The following ZNF713 variants were observed in gnomAD, a reference collection of about 807,000 sequenced individuals.
The protein encoded by ZNF713 is zinc finger protein 713.
Under a neutral mutation model 28.7 loss-of-function variants are expected in ZNF713, and 21 were observed. The observed-to-expected ratio is 0.73, with a 90% CI of 0.52 to 1.05. ZNF713 has a LOEUF of 1.05. Ranked by LOEUF, ZNF713 falls within the 50% of genes least tolerant of loss-of-function variation. ZNF713 has a pLI of 0.00. For missense variants in ZNF713, 458 were observed against 532.4 expected, an observed-to-expected ratio of 0.86 and a Z score of 1.37; for synonymous variants, 167 against 178.0, an observed-to-expected ratio of 0.94 and a Z score of 0.49.
chr7:55,904,082 G>GCCAGACTGTATCTTTAAAAAAAA lies in ZNF713; in HGVS notation c.-582-2171_-582-2170insCCAGACTGTATCTTTAAAAAAAA. On this transcript the variant is annotated intron_variant, in intron 1 of 6. Transcript: ENST00000429591. Reference sequence around the variant, plus strand: ...ATAAAAGGCAGGCAAAGGAAAAAGAGACTAGATCACAGCTCCCTGAGAGAG... The same window carrying GCCAGACTGTATCTTTAAAAAAAA: ...ATAAAAGGCAGGCAAAGGAAAAAGAGCCAGACTGTATCTTTAAAAAAAAACTAGATCACAGCTCCCTGAGAGAG... 1.3e-3 allele frequency among the ~76,000 whole-genome samples: 160 copies of GCCAGACTGTATCTTTAAAAAAAA among 126,628 alleles called. 16 individuals carry two copies. Among genetic ancestry groups the GCCAGACTGTATCTTTAAAAAAAA allele is most frequent in the Admixed American group, 1.2e-3 (16 of 13,050 alleles). 83.1% of individuals were successfully genotyped at this position (126,628 alleles called of 152,430 possible).
intron 6 of ZNF713, among the ~76,000 whole-genome samples, chr7:55,935,816 G>A (rs2062921): frequency 6.6e-6 from 1 of 151,620 alleles, no homozygotes; most frequent in South Asian, 2.1e-4. Context: ...TTAGCCGAGT[G>A]TGGTGGCGGG....
chr7:55,938,694 C>G (rs1318870996), intron 6 of ZNF713, among the ~76,000 whole-genome samples: 2 of 152,160 alleles, frequency 1.3e-5, no homozygotes, highest in African/African-American at 4.8e-5. Flanking sequence ...CCTGATATGT[C>G]TTATTCTCCT....
intron 1 of ZNF713, 190 bp from the exon 2 acceptor site, chr7:55,906,063 C>CT (rs1785672839): frequency 6.6e-6 from 1 of 151,300 alleles, no homozygotes; most frequent in African/African-American, 2.5e-5. Flanking sequence ...GATCGCACCA[C>CT]TGCATTCCAG....
chr7:55,899,860 G>C (rs1785541611), intron 1 of ZNF713, among the ~76,000 whole-genome samples: 1 of 151,812 alleles, frequency 6.6e-6, no homozygotes, highest in Non-Finnish European at 1.5e-5. Flanking sequence ...TTGTGCCTCA[G>C]CCTCTTGAGC....
chr7:55,901,563 A>C (rs186268417), intron 1 of ZNF713, among the ~76,000 whole-genome samples: 2 of 152,222 alleles, frequency 1.3e-5, no homozygotes, highest in African/African-American at 4.8e-5. Context: ...AGTTTAATCA[A>C]TCTTGACTGT....
intron 2 of ZNF713, among the ~76,000 whole-genome samples, chr7:55,909,288 G>A (rs958107173): frequency 6.6e-6 from 1 of 151,398 alleles, no homozygotes; most frequent in African/African-American, 2.4e-5. Flanking sequence ...TTATTGAATA[G>A]GATGTCCTTT....
chr7:55,928,168 A>G (rs1016943238), intron 6 of ZNF713, among the ~76,000 whole-genome samples: 2 of 152,136 alleles, frequency 1.3e-5, no homozygotes, highest in East Asian at 1.9e-4. Context: ...AGCTGACCAA[A>G]GACGAGCAGA....
chr7:55,939,852 C>T lies in ZNF713; in HGVS notation c.1178C>T (p.Thr393Ile), dbSNP rs1339500824. ...CTGAATCAACATGAAAGAACTCATA[C>T]AGGAGAGAAACCCTATAAATGTAAT... ...THLNQHERTH[T>I]GEKPYKCNEC... Residue 393 changes from threonine (T) to isoleucine (I), a missense_variant, in exon 7 of 7, where the codon ACA becomes ATA. Coordinates refer to ENST00000429591, the MANE Select transcript of ZNF713 (RefSeq NM_182633.3). 6 of 1,614,100 alleles carry T rather than the reference C, an allele frequency of 3.7e-6. No individual in the cohort carries two copies. The South Asian group carries it at 5.5e-5, about 15-fold the overall frequency.
chr7:55,909,797 G>A (rs1344370016), intron 2 of ZNF713, among the ~76,000 whole-genome samples: 4 of 152,020 alleles, frequency 2.6e-5, no homozygotes, highest in Admixed American at 2.6e-4. Context: ...TGTGGCTATT[G>A]TAAATGGGAT....
In ZNF713 at chr7:55,912,684, G is replaced by A. The variant is rs1176079757; in HGVS notation, c.48G>A (p.Glu16=). Residue 16 remains glutamate, a synonymous_variant, in exon 4 of 7, where the codon GAG becomes GAA. Coordinates refer to ENST00000429591, the MANE Select transcript of ZNF713 (RefSeq NM_182633.3). ...AVFSQEGNME[E]EEMNDGSQMV... is the part of the protein sequence containing the mutation. ...TTTCTCAGGAGGGGAACATGGAGGA[G>A]GAAGAAATGAATGATGGCTCACAGA... 1 of 1,613,530 alleles carries A rather than the reference G, an allele frequency of 6.2e-7. No homozygotes were observed. Among genetic ancestry groups the A allele is most frequent in the Non-Finnish European group, 8.5e-7 (1 of 1,179,888 alleles).
At chr7:55,904,350 C>A (rs1462004424) in intron 1 of ZNF713, among the ~76,000 whole-genome samples, 1 of 68,500 alleles carries the variant, frequency 1.5e-5, no homozygotes. Context: ...TAATTCCCAG[C>A]TACTTGGGAG....
chr7:55,910,661 A>G (rs752743181), intron 2 of ZNF713, among the ~76,000 whole-genome samples: 23 of 151,904 alleles, frequency 1.5e-4, no homozygotes, highest in African/African-American at 5.3e-4. Context: ...ACACCCAGCT[A>G]ATTTTTGTAT....
intron 1 of ZNF713, among the ~76,000 whole-genome samples, chr7:55,890,142 T>C (rs922890513): frequency 6.6e-6 from 1 of 152,104 alleles, no homozygotes; most frequent in Non-Finnish European, 1.5e-5. Context: ...ACCCCACCTT[T>C]ATGACCTCAT....
At chr7:55,928,239 T>A (rs977811768) in intron 6 of ZNF713, among the ~76,000 whole-genome samples, 1 of 152,180 alleles carries the variant, frequency 6.6e-6, no homozygotes, top group Non-Finnish European at 1.5e-5. Context: ...CTGTGGTTTC[T>A]AATTTGCATG....
intron 6 of ZNF713, among the ~76,000 whole-genome samples, chr7:55,927,635 G>A (rs372943870): frequency 7.9e-5 from 12 of 151,858 alleles, no homozygotes; most frequent in South Asian, 2.1e-4. Context: ...GGGTGCTCGC[G>A]CCTGCAATCC....
intron 6 of ZNF713, among the ~76,000 whole-genome samples, chr7:55,932,886 G>A (rs1343920263): frequency 5.4e-5 from 1 of 18,428 alleles, no homozygotes; most frequent in Admixed American, 6.4e-4. Flanking sequence ...GCGAGACTCC[G>A]TCTCAAAAAA....
At chr7:55,911,559 C>A (rs976331415) in intron 2 of ZNF713, 57 bp from the exon 3 acceptor site, 1 of 152,068 alleles carries the variant, frequency 6.6e-6, no homozygotes, top group African/African-American at 2.4e-5. Context: ...TCTGTAAGCC[C>A]CTAGGTGGCT....
chr7:55,939,048 C>T lies in ZNF713; in HGVS notation c.374C>T (p.Thr125Ile), dbSNP rs750961575. The T allele has an allele frequency of 8.7e-6, 14 of 1,611,900 alleles. No homozygotes were observed. The highest frequency in any genetic ancestry group is 1.2e-5 in the Non-Finnish European group (14 of 1,179,070). ...TSQNISDENQ[T>I]HEMIMERLAG... Reference sequence around the variant, plus strand: ...CAGAATATTTCTGATGAAAATCAAACCCATGAGATGATAATGGAGAGACTC... The same window carrying T: ...CAGAATATTTCTGATGAAAATCAAATCCATGAGATGATAATGGAGAGACTC... Residue 125 changes from threonine (T) to isoleucine (I), a missense_variant, in exon 7 of 7, where the codon ACC (threonine) becomes ATC (isoleucine). Transcript: ENST00000429591.
chr7:55,922,520 A>G (rs970670915), intron 4 of ZNF713, among the ~76,000 whole-genome samples: 3 of 151,232 alleles, frequency 2.0e-5, no homozygotes, highest in African/African-American at 7.3e-5. Context: ...CCTGGGCAAC[A>G]GAGTGAGACT....
Sources: gnomAD v4.1 joint callset for allele counts (sites outside exome capture counted in the v4.1 genomes callset) on GRCh38, gnomAD v4.1.1 for gene constraint, MANE v1.5 for transcripts, NCBI Gene and HGNC (gene_info 2026-07-23, HGNC 2026-07-21) for gene names.